Variants in DNAJC1 observed in about 807,000 individuals in gnomAD.
DNAJC1 encodes dnaJ homolog subfamily C member 1.
DNAJC1 carries 58 observed loss-of-function variants against 76.6 expected under a neutral mutation model. The ratio of observed to expected loss-of-function variants is 0.76; its 90% CI spans 0.61 to 0.94. DNAJC1 has a LOEUF of 0.94. Among genes scored for constraint, DNAJC1 ranks in the 40% least tolerant of loss-of-function variants. The pLI is 0.00. For synonymous variants in DNAJC1, 258 were observed against 267.9 expected (o/e 0.96, Z 0.36); for missense variants, 689 against 677.3 (o/e 1.02, Z -0.19).
At chr10:21,837,944 G>A (rs1219552877) in intron 8 of DNAJC1, among the ~76,000 whole-genome samples, 56 of 143,706 alleles carry the variant, frequency 3.9e-4, no homozygotes, top group Non-Finnish European at 5.4e-4. Context: ...CCGGCCAGCC[G>A]CCCCGGCCGG....
chr10:21,894,940 T>A (rs1390113941), intron 7 of DNAJC1, among the ~76,000 whole-genome samples: 2 of 152,200 alleles, frequency 1.3e-5, no homozygotes, highest in Non-Finnish European at 2.9e-5. Context: ...CATCAGATAC[T>A]AAACTTGCTG....
Position 21,910,966 on chromosome 10 carries a change from AAG to A in DNAJC1, c.730-6356_730-6355del, listed in dbSNP as rs202163151. 9.7e-3 allele frequency among the ~76,000 whole-genome samples: 1,437 copies of A among 147,660 alleles called. 25 individuals carry two copies. The highest frequency in any genetic ancestry group is 0.034 in the African/African-American group (1,360 of 39,888). On this transcript the variant is annotated intron_variant, in intron 6 of 11. Coordinates refer to ENST00000376980, the MANE Select transcript of DNAJC1 (RefSeq NM_022365.4). ...GAGACAAAGAAGAGAGAGAGAAAGA[AAG>A]AGGGGGGGAAGAGAGAAAGAGGGAG...
intron 6 of DNAJC1, among the ~76,000 whole-genome samples, chr10:21,916,350 G>A (rs1564826438): frequency 6.6e-6 from 1 of 152,022 alleles, no homozygotes; most frequent in African/African-American, 2.4e-5. Flanking sequence ...TTAGCCGGGC[G>A]TGGTAGCGGG....
In DNAJC1 at chr10:21,876,939, T is replaced by C. The variant is rs367756507; in HGVS notation, c.978+5343A>G. Among the ~76,000 whole-genome samples the C allele has an allele frequency of 2.5e-3, 387 of 152,264 alleles. 17 individuals carry two copies. In the South Asian group the frequency reaches 0.077, roughly 30 times the overall value. On this transcript the variant is annotated intron_variant, in intron 8 of 11. Coordinates refer to ENST00000376980, the MANE Select transcript of DNAJC1 (RefSeq NM_022365.4). ...AAATGTTTAAGTCAAATAATAAAGC[T>C]TCTAGAAGGATTTGAAAAATCTTTA...
intron 3 of DNAJC1, 48 bp from the exon 4 acceptor site, chr10:21,921,011 CAAAA>C: frequency 6.9e-7 from 1 of 1,440,648 alleles, no homozygotes; most frequent in Non-Finnish European, 9.3e-7. Context: ...AAAATAAAAA[CAAAA>C]AAAACTATTT....
intron 1 of DNAJC1, among the ~76,000 whole-genome samples, chr10:21,983,906 A>C (rs1212221896): frequency 6.6e-6 from 1 of 152,154 alleles, no homozygotes; most frequent in African/African-American, 2.4e-5. Context: ...TTTATACTTT[A>C]AAGCAGTTAA....
chr10:21,900,506 A>C (rs1440281936), intron 7 of DNAJC1, among the ~76,000 whole-genome samples: 1 of 152,206 alleles, frequency 6.6e-6, no homozygotes, highest in Non-Finnish European at 1.5e-5. Context: ...GATTTGAAAT[A>C]TTAAGGGAAT....
rs544573760 is a variant in DNAJC1 at position 21,900,859 on chromosome 10, A to G, written c.820+3663T>C. Reference sequence around the variant, plus strand: ...TACCACAGGCAAAGTGTTCTAACCTAAACTGCGGCTGCTCTTTCTCAATCT... The same window carrying G: ...TACCACAGGCAAAGTGTTCTAACCTGAACTGCGGCTGCTCTTTCTCAATCT... On this transcript the variant is annotated intron_variant, in intron 7 of 11. Coordinates refer to ENST00000376980, the MANE Select transcript of DNAJC1 (RefSeq NM_022365.4). Among the ~76,000 whole-genome samples, 9 of 152,312 alleles carry G rather than the reference A, an allele frequency of 5.9e-5. No individual in the cohort carries two copies. In the South Asian group the frequency reaches 1.9e-3, roughly 32 times the overall value.
chr10:21,851,668 AAT>A (rs1222328151), intron 8 of DNAJC1, among the ~76,000 whole-genome samples: 1 of 152,194 alleles, frequency 6.6e-6, no homozygotes, highest in Non-Finnish European at 1.5e-5. Flanking sequence ...CATAAACTCA[AAT>A]AACCATACAC....
intron 1 of DNAJC1, among the ~76,000 whole-genome samples, chr10:21,985,946 G>A (rs969140972): frequency 7.2e-5 from 11 of 152,002 alleles, no homozygotes; most frequent in South Asian, 4.2e-4. Flanking sequence ...AAACTGCCAC[G>A]GCCGGGCACG....
intron 1 of DNAJC1, among the ~76,000 whole-genome samples, chr10:21,941,268 C>CAAAA (rs11435502): frequency 2.8e-4 from 12 of 43,612 alleles, no homozygotes; most frequent in African/African-American, 4.2e-4. Context: ...GACACTGTCT[C>CAAAA]AAAAAAAAAA....
At chr10:21,891,631 C>T (rs1304610607) in intron 7 of DNAJC1, among the ~76,000 whole-genome samples, 1 of 152,102 alleles carries the variant, frequency 6.6e-6, no homozygotes, top group Non-Finnish European at 1.5e-5. Flanking sequence ...TCACCCCAAA[C>T]CATAGAGGCC....
At position 21,835,529 on chromosome 10, in the gene DNAJC1, G is replaced by A. The variant is rs1476353171; in HGVS notation, c.979-29430C>T. On this transcript the variant is annotated intron_variant, in intron 8 of 11. Transcript: ENST00000376980. ...AGGCTTCAGACGATCAAACTACTCCGAGCTAAAGGAGGAAATTCGAACCAA... is the reference window on the plus strand; with the variant it reads ...AGGCTTCAGACGATCAAACTACTCCAAGCTAAAGGAGGAAATTCGAACCAA... Among the ~76,000 whole-genome samples the A allele has an allele frequency of 4.6e-5, 7 of 152,238 alleles. 1 individual carries two copies. The highest frequency in any genetic ancestry group is 3.4e-3 in the Middle Eastern group (1 of 294).
At position 21,816,035 on chromosome 10, in the gene DNAJC1, C is replaced by T. The variant is rs372703192; in HGVS notation, c.979-9936G>A. ...CTGGGATTACAGGCATGAGCCACCG[C>T]GCCCAGCCTTCAAGTTTCATTTTCT... is the stretch of plus-strand genomic sequence containing the variant. On this transcript the variant is annotated intron_variant, in intron 8 of 11. Transcript: ENST00000376980. Among the ~76,000 whole-genome samples the T allele has an allele frequency of 8.9e-3, 1,346 of 151,762 alleles. 29 individuals carry two copies. The highest frequency in any genetic ancestry group is 0.03 in the African/African-American group (1,251 of 41,410).
chr10:21,835,773 A>G (rs571261859), intron 8 of DNAJC1, among the ~76,000 whole-genome samples: 44 of 152,340 alleles, frequency 2.9e-4, no homozygotes, highest in African/African-American at 1.1e-3. Context: ...AGAAGTTTAC[A>G]TAAAAAAGAA....
chr10:21,941,647 T>C (rs1015151044), intron 1 of DNAJC1, among the ~76,000 whole-genome samples: 1 of 152,168 alleles, frequency 6.6e-6, no homozygotes, highest in Non-Finnish European at 1.5e-5. Flanking sequence ...TTGTTTTAAG[T>C]TTTTCATAAT....
At chr10:21,799,125 A>G (rs7082663) in intron 9 of DNAJC1, among the ~76,000 whole-genome samples, 119,194 of 152,132 alleles carry the variant, frequency 0.78, 47,520 homozygotes, top group East Asian at 0.99. Flanking sequence ...AATATAAAAA[A>G]CCATCATGTA....
chr10:21,920,758 T>C, intron 4 of DNAJC1, 40 bp downstream of exon 4: 1 of 1,535,984 alleles, frequency 6.5e-7, no homozygotes, highest in Non-Finnish European at 8.8e-7. Context: ...CCATATAAAA[T>C]TAAGGAGGCT....
chr10:21,885,975 T>C (rs1408013449), intron 7 of DNAJC1, among the ~76,000 whole-genome samples: 1 of 151,394 alleles, frequency 6.6e-6, no homozygotes, highest in African/African-American at 2.4e-5. Context: ...AGACAAAACA[T>C]AACCAAAATC....
Sources: allele counts gnomAD v4.1 joint callset (sites outside exome capture counted in the v4.1 genomes callset), GRCh38; gene constraint gnomAD v4.1.1; transcripts MANE v1.5; gene names NCBI Gene and HGNC (gene_info 2026-07-23, HGNC 2026-07-21).